NRCAM: variants seen among roughly 807,000 people sequenced by gnomAD.
NRCAM encodes the protein neuronal cell adhesion molecule.
In NRCAM, 83 loss-of-function variants were observed where a neutral mutation model predicts 156.5. That is an observed-to-expected ratio of 0.53 (90% CI 0.44 to 0.64). The LOEUF (loss-of-function observed/expected upper bound fraction) is 0.64. Ranked by LOEUF, NRCAM falls within the 30% of genes least tolerant of loss-of-function variation. The pLI is 0.00. For missense variants in NRCAM, 1,417 were observed against 1,597.3 expected, an observed-to-expected ratio of 0.89 and a Z score of 1.92; for synonymous variants, 538 against 563.9, an observed-to-expected ratio of 0.95 and a Z score of 0.65.
At chr7:108,359,398 G>A (rs748357515) in intron 2 of NRCAM, among the ~76,000 whole-genome samples, 8 of 152,212 alleles carry the variant, frequency 5.3e-5, no homozygotes, top group Non-Finnish European at 1.2e-4. Context: ...ACAGGTGTTT[G>A]AGAGAAGGAG....
intron 2 of NRCAM, among the ~76,000 whole-genome samples, chr7:108,319,640 T>C (rs1207392422): frequency 6.6e-6 from 1 of 152,132 alleles, no homozygotes; most frequent in Non-Finnish European, 1.5e-5. Flanking sequence ...GGCAGGGGTG[T>C]GTGGTGCTCC....
chr7:108,302,830 C>T (rs2098648374), intron 3 of NRCAM, among the ~76,000 whole-genome samples: 1 of 152,238 alleles, frequency 6.6e-6, no homozygotes, highest in Non-Finnish European at 1.5e-5. Context: ...CACTCAAGAA[C>T]TTAATGAGTT....
intron 5 of NRCAM, among the ~76,000 whole-genome samples, chr7:108,236,218 C>T (rs923070381): frequency 5.9e-5 from 9 of 152,124 alleles, no homozygotes; most frequent in African/African-American, 1.2e-4. Flanking sequence ...AACCCGGTTG[C>T]GTCCTCTTCT....
intron 1 of NRCAM, among the ~76,000 whole-genome samples, chr7:108,444,538 A>G (rs1320605706): frequency 1.3e-5 from 2 of 152,174 alleles, no homozygotes; most frequent in East Asian, 1.9e-4. Flanking sequence ...AGGTGTCCGC[A>G]GGGTTGGTCC....
intron 11 of NRCAM, among the ~76,000 whole-genome samples, chr7:108,210,823 A>G (rs565587290): frequency 1.3e-5 from 2 of 152,324 alleles, no homozygotes; most frequent in South Asian, 4.1e-4. Context: ...TGGGAAGATG[A>G]TGAAGAAAAT....
intron 1 of NRCAM, among the ~76,000 whole-genome samples, chr7:108,411,716 A>T (rs944968465): frequency 6.6e-6 from 1 of 152,066 alleles, no homozygotes; most frequent in Non-Finnish European, 1.5e-5. Flanking sequence ...TATTTTTAGT[A>T]GAGACGGGGT....
chr7:108,183,296 G>A (rs1586869121), intron 22 of NRCAM, among the ~76,000 whole-genome samples: 1 of 136,976 alleles, frequency 7.3e-6, no homozygotes, highest in Non-Finnish European at 1.6e-5. Flanking sequence ...TGGAAACTTA[G>A]ACTGTTTTCC....
At position 108,340,865 on chromosome 7, in the gene NRCAM, GA is replaced by G. The variant is rs1181323858; in HGVS notation, c.-173-28135del. Among the ~76,000 whole-genome samples, 3 of 152,218 alleles carry G rather than the reference GA, an allele frequency of 2.0e-5. No individual in the cohort carries two copies. In the East Asian group the frequency reaches 5.8e-4, roughly 29 times the overall value. Reference sequence around the variant, plus strand: ...ATCACTCAGTCAGCTACAGACATCAGAAAAAACTTCAAAAACTTAGAAACCC... The same window carrying G: ...ATCACTCAGTCAGCTACAGACATCAGAAAAACTTCAAAAACTTAGAAACCC... On this transcript the variant is annotated intron_variant, in intron 2 of 32. Transcript: ENST00000379028.
At chr7:108,299,129 A>T (rs1184404218) in intron 3 of NRCAM, among the ~76,000 whole-genome samples, 8 of 109,866 alleles carry the variant, frequency 7.3e-5, no homozygotes, top group African/African-American at 2.8e-4. Flanking sequence ...AAAGAAAGAA[A>T]GAAAGAAAGA....
At chr7:108,271,249 A>G (rs2097335289) in intron 3 of NRCAM, among the ~76,000 whole-genome samples, 1 of 152,214 alleles carries the variant, frequency 6.6e-6, no homozygotes, top group Non-Finnish European at 1.5e-5. Context: ...AAAGATTTAC[A>G]TCTCCACACT....
intron 3 of NRCAM, among the ~76,000 whole-genome samples, chr7:108,269,658 A>G (rs934278269): frequency 6.6e-6 from 1 of 152,240 alleles, no homozygotes; most frequent in Non-Finnish European, 1.5e-5. Context: ...ATGAATACAA[A>G]GCTAGATGAA....
intron 27 of NRCAM, among the ~76,000 whole-genome samples, chr7:108,175,658 A>G (rs1312258749): frequency 6.6e-6 from 1 of 152,166 alleles, no homozygotes; most frequent in Non-Finnish European, 1.5e-5. Flanking sequence ...TTTCAAACCA[A>G]TTTTTGGATA....
chr7:108,350,488 T>C (rs1278795537), intron 2 of NRCAM, among the ~76,000 whole-genome samples: 1 of 152,208 alleles, frequency 6.6e-6, no homozygotes, highest in Non-Finnish European at 1.5e-5. Flanking sequence ...TGTATATAAA[T>C]ATCCCAGCTG....
intron 3 of NRCAM, among the ~76,000 whole-genome samples, chr7:108,280,227 G>A (rs1301445529): frequency 3.9e-5 from 6 of 152,208 alleles, no homozygotes; most frequent in Non-Finnish European, 7.3e-5. Context: ...CCCAACAGGC[G>A]AATGAACTTA....
intron 3 of NRCAM, among the ~76,000 whole-genome samples, chr7:108,307,146 T>C (rs1221086152): frequency 1.3e-5 from 2 of 152,290 alleles, no homozygotes; most frequent in South Asian, 2.1e-4. Flanking sequence ...ATAAAGGCAA[T>C]GGTGTGAAAT....
At chr7:108,456,597 C>T (rs1250819920), upstream of NRCAM, 1 of 152,378 alleles carries the variant, frequency 6.6e-6, no homozygotes, top group East Asian at 1.9e-4. Flanking sequence ...CCAACCCCCT[C>T]TTGCCCTGCT....
Position 108,226,290 on chromosome 7 carries a change from G to A in NRCAM, c.639C>T (p.Arg213=), listed in dbSNP as rs758654630. Residue 213 remains arginine (R), a synonymous_variant, in exon 9 of 33, where the codon CGC becomes CGT. Coordinates refer to ENST00000379028, the MANE Select transcript of NRCAM (RefSeq NM_001037132.4). ...ATCTAGCATAACAGATATAGTCTTC[G>A]CGGGTGTCCTCTGGGAGGACATTGG... ...YFSNVLPEDT[R]EDYICYARFN... is the part of the protein sequence containing the mutation. The A allele has an allele frequency of 3.3e-5, 53 of 1,606,284 alleles. No homozygotes were observed. Among genetic ancestry groups the A allele is most frequent in the South Asian group, 2.3e-4 (21 of 90,892 alleles).
intron 1 of NRCAM, among the ~76,000 whole-genome samples, chr7:108,449,854 T>C (rs1848357161): frequency 6.6e-6 from 1 of 152,086 alleles, no homozygotes; most frequent in Admixed American, 6.6e-5. Context: ...CATTGCATAT[T>C]ACCCAGTGGA....
intron 2 of NRCAM, among the ~76,000 whole-genome samples, chr7:108,365,692 C>T (rs777165669): frequency 2.0e-5 from 3 of 152,052 alleles, no homozygotes; most frequent in Non-Finnish European, 4.4e-5. Context: ...CATAAGAAAA[C>T]CTGAATACAG....
Sources: gnomAD v4.1 joint callset for allele counts (sites outside exome capture counted in the v4.1 genomes callset) on GRCh38, gnomAD v4.1.1 for gene constraint, MANE v1.5 for transcripts, NCBI Gene and HGNC (gene_info 2026-07-23, HGNC 2026-07-21) for gene names.